Variants in NT5DC1 observed in about 807,000 individuals in gnomAD.
NT5DC1 encodes the protein 5'-nucleotidase domain containing 1.
In NT5DC1, 42 loss-of-function variants were observed where a neutral mutation model predicts 59.4. That is an observed-to-expected ratio of 0.71 (90% CI 0.55 to 0.92). The LOEUF (loss-of-function observed/expected upper bound fraction) is 0.92, where lower values mean the gene tolerates loss of function less well. Ranked by LOEUF, NT5DC1 falls within the 40% of genes least tolerant of loss-of-function variation. The pLI, the probability that NT5DC1 is intolerant of heterozygous loss-of-function variation, is 0.00. For synonymous variants in NT5DC1, 172 were observed against 188.1 expected, an observed-to-expected ratio of 0.91 and a Z score of 0.70; for missense variants, 501 against 537.1, an observed-to-expected ratio of 0.93 and a Z score of 0.66.
chr6:116,165,471 A>G (rs1466673593), intron 6 of NT5DC1, among the ~76,000 whole-genome samples: 2 of 152,246 alleles, frequency 1.3e-5, no homozygotes, highest in African/African-American at 2.4e-5. Context: ...AGGAATACCT[A>G]TAAATTATAG....
intron 4 of NT5DC1, among the ~76,000 whole-genome samples, chr6:116,112,449 A>G (rs1241102804): frequency 6.6e-6 from 1 of 152,244 alleles, no homozygotes; most frequent in Non-Finnish European, 1.5e-5. Flanking sequence ...AATATTATAG[A>G]AATGAATAGA....
At chr6:116,149,627 T>C (rs1779985214) in intron 6 of NT5DC1, among the ~76,000 whole-genome samples, 1 of 152,168 alleles carries the variant, frequency 6.6e-6, no homozygotes, top group Non-Finnish European at 1.5e-5. Flanking sequence ...AGAAATTGTT[T>C]TTCCAAAAAA....
At chr6:116,206,000 T>C (rs568772864) in intron 6 of NT5DC1, among the ~76,000 whole-genome samples, 37 of 152,144 alleles carry the variant, frequency 2.4e-4, no homozygotes, top group African/African-American at 8.7e-4. Context: ...GAGAATGATC[T>C]AATAGACCAT....
chr6:116,229,751 C>T (rs1301895521), intron 8 of NT5DC1, among the ~76,000 whole-genome samples: 4 of 152,140 alleles, frequency 2.6e-5, no homozygotes, highest in Non-Finnish European at 4.4e-5. Context: ...CCTGCCCCTG[C>T]CCACCATTGG....
At chr6:116,123,131 A>T (rs1779186294) in intron 6 of NT5DC1, among the ~76,000 whole-genome samples, 2 of 152,182 alleles carry the variant, frequency 1.3e-5, no homozygotes, top group Admixed American at 1.3e-4. Context: ...TTAGAATCTG[A>T]TTATAAGGGT....
rs1203695179 is a variant in NT5DC1, at chr6:116,247,452, G to A, written c.*3428G>A. 6.6e-6 allele frequency: 1 copy of A among 152,082 alleles called. No homozygotes were observed. Among genetic ancestry groups the A allele is most frequent in the East Asian group, 1.9e-4 (1 of 5,186 alleles). 9.4% of individuals were successfully genotyped at this position (152,082 alleles called of 1,614,324 possible). A position where few individuals can be genotyped will look rare whatever the true frequency, so the allele number is the denominator to read the frequency against. On this transcript the variant is annotated 3_prime_UTR_variant, in exon 12 of 12. Transcript: ENST00000319550. ...GGTTAATGTTCACCTTGACTGCTTG[G>A]TAAATTTCCCTCACTGGTGCTGAAG...
At chr6:116,130,675 ATATGAT>A (rs1779437289) in intron 6 of NT5DC1, among the ~76,000 whole-genome samples, 2 of 152,036 alleles carry the variant, frequency 1.3e-5, no homozygotes, top group Admixed American at 1.3e-4. Context: ...AATATAAGAT[ATATGAT>A]AACATTTTAC....
chr6:116,191,150 C>G (rs1017281756), intron 6 of NT5DC1, among the ~76,000 whole-genome samples: 3 of 151,898 alleles, frequency 2.0e-5, no homozygotes, highest in Non-Finnish European at 1.5e-5. Flanking sequence ...TGATTCTACT[C>G]ATGTAACCTT....
At position 116,132,805 on chromosome 6, in the gene NT5DC1, C is replaced by G. The variant is rs553234021; in HGVS notation, c.529+14860C>G. 1.8e-4 allele frequency among the ~76,000 whole-genome samples: 27 copies of G among 152,126 alleles called. No individual in the cohort carries two copies. The South Asian group carries it at 5.4e-3, about 30-fold the overall frequency. ...TTTAGGGTAGAAATGGGAAAAGTGC[C>G]GAGAAGTTTAGTCAGGGCACCTTCC... On this transcript the variant is annotated intron_variant, in intron 6 of 11. Transcript: ENST00000319550.
chr6:116,191,468 T>C (rs1781116117), intron 6 of NT5DC1, among the ~76,000 whole-genome samples: 1 of 152,072 alleles, frequency 6.6e-6, no homozygotes, highest in African/African-American at 2.4e-5. Context: ...GGTTTCTACT[T>C]AGTAAGTGCT....
At chr6:116,116,985 AACTT>A (rs1207075143) in intron 5 of NT5DC1, among the ~76,000 whole-genome samples, 1 of 152,224 alleles carries the variant, frequency 6.6e-6, no homozygotes, top group Non-Finnish European at 1.5e-5. Context: ...GATTTAAAAA[AACTT>A]AATGAAAACA....
At chr6:116,241,939 CAAAACAAAAAAA>C (rs1771737028) in intron 11 of NT5DC1, among the ~76,000 whole-genome samples, 1 of 12,030 alleles carries the variant, frequency 8.3e-5, no homozygotes, top group Non-Finnish European at 1.5e-4. Context: ...AAAAAAAAAA[CAAAACAAAAAAA>C]AAAAAAAACA....
At chr6:116,140,574 CCTATGCCATCTCCCT>C (rs1446903577) in intron 6 of NT5DC1, among the ~76,000 whole-genome samples, 2 of 152,072 alleles carry the variant, frequency 1.3e-5, no homozygotes, top group African/African-American at 2.4e-5. Context: ...TTTTGAAACC[CCTATGCCATCTCCCT>C]GATGGCATTC....
At chr6:116,214,547 G>A (rs1314031178) in intron 6 of NT5DC1, among the ~76,000 whole-genome samples, 1 of 152,046 alleles carries the variant, frequency 6.6e-6, no homozygotes, top group African/African-American at 2.4e-5. Flanking sequence ...TGGACTGTCA[G>A]TTGACCTGAG....
intron 6 of NT5DC1, among the ~76,000 whole-genome samples, chr6:116,189,224 C>T (rs1781068247): frequency 6.6e-6 from 1 of 151,386 alleles, no homozygotes; most frequent in Non-Finnish European, 1.5e-5. Context: ...AAAAGTTTTA[C>T]TTCTATTTAT....
At chr6:116,200,356 A>G (rs1374372915) in intron 6 of NT5DC1, among the ~76,000 whole-genome samples, 1 of 152,034 alleles carries the variant, frequency 6.6e-6, no homozygotes, top group East Asian at 1.9e-4. Context: ...CAGAAAAGAG[A>G]CATTAGGTAA....
intron 6 of NT5DC1, among the ~76,000 whole-genome samples, chr6:116,148,756 A>T (rs952811382): frequency 3.9e-5 from 6 of 152,302 alleles, no homozygotes; most frequent in South Asian, 4.1e-4. Flanking sequence ...ACTGTTTATT[A>T]TTCAGATATA....
chr6:116,245,995 A>C lies in NT5DC1; in HGVS notation c.*1971A>C, dbSNP rs1350161632. 2.0e-5 allele frequency: 3 copies of C among 152,064 alleles called. No individual in the cohort carries two copies. The highest frequency in any genetic ancestry group is 7.2e-5 in the African/African-American group (3 of 41,424). 9.4% of individuals were successfully genotyped at this position (152,064 alleles called of 1,614,324 possible). On this transcript the variant is annotated 3_prime_UTR_variant, in exon 12 of 12. Transcript: ENST00000319550. The stretch of plus-strand genomic sequence containing the variant: ...CTAGCAGTCAGTATTTCTTCTAATG[A>C]ATGTTTTTTTTCTGTAATTAGAAAG...
chr6:116,237,911 C>A (rs759605605), intron 9 of NT5DC1, among the ~76,000 whole-genome samples: 1 of 152,152 alleles, frequency 6.6e-6, no homozygotes, highest in African/African-American at 2.4e-5. Context: ...AGGTTCACTT[C>A]TTTAGGAAAA....
Sources: allele counts gnomAD v4.1 joint callset (sites outside exome capture counted in the v4.1 genomes callset), GRCh38; gene constraint gnomAD v4.1.1; transcripts MANE v1.5; gene names NCBI Gene and HGNC (gene_info 2026-07-23, HGNC 2026-07-21).